The following DOCK9 variants were observed in gnomAD, a reference collection of about 807,000 sequenced individuals.
DOCK9 encodes the protein dedicator of cytokinesis 9.
DOCK9 carries 89 observed loss-of-function variants against 263.3 expected under a neutral mutation model. That is an observed-to-expected ratio of 0.34 (90% CI 0.28 to 0.40). DOCK9 has a LOEUF of 0.40. Ranked by LOEUF, DOCK9 falls within the 10% of genes least tolerant of loss-of-function variation. DOCK9 has a pLI of 1.00. For synonymous variants in DOCK9, 976 were observed against 973.1 expected (o/e 1.00, Z -0.06); for missense variants, 2,140 against 2,603.4 (o/e 0.82, Z 3.87).
At chr13:98,855,851 AATCCATTGATT>A in intron 34 of DOCK9, 36 bp downstream of exon 34, 1 of 1,607,792 alleles carries the variant, frequency 6.2e-7, no homozygotes, top group Non-Finnish European at 8.5e-7. Flanking sequence ...CTTTGGGCTA[AATCCATTGATT>A]ATAAGAAACA....
rs774547381 is a variant in DOCK9 at position 98,923,328 on chromosome 13, C to T, written c.460G>A (p.Val154Ile). 1.9e-6 allele frequency: 3 copies of T among 1,613,898 alleles called. No homozygotes were observed. In the South Asian group the frequency reaches 3.3e-5, roughly 18 times the overall value. ...LDKLPVHVYE[V>I]DEEVDKDEDA... ...TCATCTTTGTCGACCTCCTCGTCAA[C>T]TTCATAGACATGAACTGGAAGTTTA... is the stretch of plus-strand genomic sequence containing the variant. The change falls in exon 5 of 53, where the codon GTT becomes ATT. Residue 154 changes from valine (V) to isoleucine (I), a missense_variant. Physicochemically the swap from Val to Ile is conservative, Grantham distance 29. Around this residue, in one of 2 missense-constraint regions of DOCK9, gnomAD observed 1,521 missense variants for 1,741.7 expected, o/e 0.87. Coordinates refer to ENST00000682017, the MANE Select transcript of DOCK9 (RefSeq NM_001366683.2).
At chr13:98,905,294 T>C (rs1566924768) in intron 9 of DOCK9, among the ~76,000 whole-genome samples, 1 of 152,190 alleles carries the variant, frequency 6.6e-6, no homozygotes, top group Non-Finnish European at 1.5e-5. Context: ...CCTCAAGTTA[T>C]GTGAAATGTG....
At chr13:99,019,373 T>C (rs528714937) in intron 1 of DOCK9, among the ~76,000 whole-genome samples, 19 of 152,348 alleles carry the variant, frequency 1.2e-4, no homozygotes, top group African/African-American at 4.3e-4. Flanking sequence ...CTGAATTGAA[T>C]ACATTTATGG....
chr13:98,912,199 A>G (rs1476857190), intron 9 of DOCK9, among the ~76,000 whole-genome samples: 1 of 152,188 alleles, frequency 6.6e-6, no homozygotes, highest in Non-Finnish European at 1.5e-5. Context: ...AGTGAATCAC[A>G]TGTTTAGCTA....
At position 98,794,798 on chromosome 13, in the gene DOCK9, T is replaced by C. The variant is rs1324901126; in HGVS notation, c.6157-50A>G. 5.6e-6 allele frequency: 9 copies of C among 1,598,928 alleles called. No individual in the cohort carries two copies. In the South Asian group the frequency reaches 8.9e-5, roughly 16 times the overall value. ...CTGAGGGCAACACAAGGTTACCATA[T>C]GCAATGCCATGTTGCCATGTGTGAC... is the stretch of plus-strand genomic sequence containing the variant. On this transcript the variant is annotated intron_variant, in intron 52 of 52. Coordinates refer to ENST00000682017, the MANE Select transcript of DOCK9 (RefSeq NM_001366683.2).
chr13:98,995,633 C>A (rs1433979904), intron 1 of DOCK9, among the ~76,000 whole-genome samples: 15 of 151,824 alleles, frequency 9.9e-5, no homozygotes, highest in Non-Finnish European at 4.4e-5. Flanking sequence ...GGACTACAGG[C>A]ACCTGCCACC....
chr13:98,889,831 T>C (rs2046352885), intron 15 of DOCK9, among the ~76,000 whole-genome samples: 1 of 152,206 alleles, frequency 6.6e-6, no homozygotes, highest in African/African-American at 2.4e-5. Flanking sequence ...TGCATACATC[T>C]GGCCAGTGTG....
At chr13:98,915,894 T>A (rs1181415876) in intron 7 of DOCK9, among the ~76,000 whole-genome samples, 1 of 152,218 alleles carries the variant, frequency 6.6e-6, no homozygotes, top group Non-Finnish European at 1.5e-5. Context: ...TGAAATTTCA[T>A]GTAAAATTTT....
intron 1 of DOCK9, 118 bp downstream of exon 1, chr13:98,977,666 G>A: frequency 1.1e-6 from 1 of 902,130 alleles, no homozygotes; most frequent in Non-Finnish European, 1.7e-6. Flanking sequence ...GTTCACAAGG[G>A]ACAAGCAGAG....
chr13:98,909,822 T>C (rs2049722220), intron 9 of DOCK9, among the ~76,000 whole-genome samples: 1 of 152,234 alleles, frequency 6.6e-6, no homozygotes, highest in Non-Finnish European at 1.5e-5. Flanking sequence ...TGACAAGTTC[T>C]GCTGAGCATG....
At chr13:98,975,446 C>T (rs2060162461) in intron 1 of DOCK9, among the ~76,000 whole-genome samples, 1 of 148,926 alleles carries the variant, frequency 6.7e-6, no homozygotes, top group South Asian at 2.2e-4. Flanking sequence ...CAGAAATCTA[C>T]CATAATAGTA....
At chr13:99,085,372 C>A (rs145013647) in intron 1 of DOCK9, among the ~76,000 whole-genome samples, 1 of 152,360 alleles carries the variant, frequency 6.6e-6, no homozygotes, top group Non-Finnish European at 1.5e-5. Flanking sequence ...CTGCAGAGCT[C>A]GCTCCTGCTC....
intron 1 of DOCK9, among the ~76,000 whole-genome samples, chr13:99,019,416 C>T (rs1194077247): frequency 1.3e-5 from 2 of 152,126 alleles, no homozygotes; most frequent in African/African-American, 2.4e-5. Context: ...AGTGACTACA[C>T]TTGTGATGCT....
chr13:98,846,956 C>G (rs1292518630), intron 37 of DOCK9: 1 of 191,934 alleles, frequency 5.2e-6, no homozygotes, highest in Non-Finnish European at 1.1e-5. Flanking sequence ...GTCACATCAT[C>G]TCCACTCCTG....
intron 41 of DOCK9, among the ~76,000 whole-genome samples, chr13:98,831,065 T>A (rs1197683082): frequency 6.6e-6 from 1 of 152,198 alleles, no homozygotes; most frequent in Non-Finnish European, 1.5e-5. Context: ...CTATTAAGCA[T>A]CCTCACATAG....
intron 1 of DOCK9, among the ~76,000 whole-genome samples, chr13:98,961,379 A>G (rs1177543469): frequency 1.3e-5 from 2 of 152,062 alleles, no homozygotes; most frequent in African/African-American, 4.8e-5. Flanking sequence ...CTCCCTCTAC[A>G]GGGATAATGT....
At chr13:98,927,911 G>A (rs1009847630) in intron 3 of DOCK9, among the ~76,000 whole-genome samples, 5 of 151,478 alleles carry the variant, frequency 3.3e-5, no homozygotes, top group Admixed American at 1.3e-4. Flanking sequence ...GAGCCACTGC[G>A]CCTGGCCAAG....
At chr13:99,044,868 T>C (rs1357284245) in intron 1 of DOCK9, among the ~76,000 whole-genome samples, 1 of 152,186 alleles carries the variant, frequency 6.6e-6, no homozygotes, top group Non-Finnish European at 1.5e-5. Flanking sequence ...CATGCCTTCC[T>C]ACCCGTGTTT....
chr13:98,845,327 AC>A, intron 38 of DOCK9: 2 of 1,361,096 alleles, frequency 1.5e-6, no homozygotes, highest in Non-Finnish European at 2.0e-6. Context: ...ATTAAATCTT[AC>A]CATTGTCTAC....
Sources: allele counts gnomAD v4.1 joint callset (sites outside exome capture counted in the v4.1 genomes callset), GRCh38; gene constraint gnomAD v4.1.1; regional missense constraint gnomAD v4.1.1; transcripts MANE v1.5; gene names NCBI Gene and HGNC (gene_info 2026-07-23, HGNC 2026-07-21).